The following HS6ST3 variants were observed in gnomAD, a reference collection of about 807,000 sequenced individuals.
HS6ST3 encodes the protein heparan-sulfate 6-O-sulfotransferase 3.
In HS6ST3, 12 loss-of-function variants were observed where a neutral mutation model predicts 36.7. The ratio of observed to expected loss-of-function variants is 0.33; its 90% confidence interval spans 0.21 to 0.53. The LOEUF (loss-of-function observed/expected upper bound fraction) is 0.53. Among genes scored for constraint, HS6ST3 ranks in the 20% least tolerant of loss-of-function variants. The pLI is 0.95. For synonymous variants in HS6ST3, 240 were observed against 257.5 expected (o/e 0.93, Z 0.65); for missense variants, 584 against 640.9 (o/e 0.91, Z 0.96).
intron 1 of HS6ST3, among the ~76,000 whole-genome samples, chr13:96,600,341 C>CACAG (rs1411227895): frequency 4.6e-5 from 7 of 151,498 alleles, no homozygotes; most frequent in Admixed American, 4.6e-4. Flanking sequence ...CACACACACA[C>CACAG]ACACACACAC....
intron 1 of HS6ST3, among the ~76,000 whole-genome samples, chr13:96,219,648 C>T (rs1212255556): frequency 6.6e-6 from 1 of 152,068 alleles, no homozygotes. Context: ...GATGGAGCAA[C>T]ATAGGCCTGA....
At chr13:96,396,282 C>T (rs912695) in intron 1 of HS6ST3, among the ~76,000 whole-genome samples, 115,906 of 151,984 alleles carry the variant, frequency 0.76, 45,381 homozygotes, top group South Asian at 0.9. Context: ...CCACTACACT[C>T]TAGCCTGGGT....
At chr13:96,130,459 T>C (rs2053970311) in intron 1 of HS6ST3, among the ~76,000 whole-genome samples, 1 of 152,186 alleles carries the variant, frequency 6.6e-6, no homozygotes, top group East Asian at 1.9e-4. Context: ...TGAGTAATAT[T>C]GTCCTATAGG....
chr13:96,266,054 T>A (rs942215911), intron 1 of HS6ST3, among the ~76,000 whole-genome samples: 1 of 151,702 alleles, frequency 6.6e-6, no homozygotes, highest in Non-Finnish European at 1.5e-5. Flanking sequence ...TATTTTTTTT[T>A]AAATACCCTG....
chr13:96,160,136 G>A (rs1432498373), intron 1 of HS6ST3, among the ~76,000 whole-genome samples: 2 of 152,156 alleles, frequency 1.3e-5, no homozygotes, highest in African/African-American at 4.8e-5. Flanking sequence ...AATCCATATA[G>A]CTATGTGAGG....
chr13:96,259,757 T>C (rs1348929449), intron 1 of HS6ST3, among the ~76,000 whole-genome samples: 1 of 152,196 alleles, frequency 6.6e-6, no homozygotes, highest in Non-Finnish European at 1.5e-5. Context: ...TACCTTCTCC[T>C]TTTTCTACCT....
chr13:96,452,812 A>G (rs1030434148), intron 1 of HS6ST3, among the ~76,000 whole-genome samples: 2 of 151,956 alleles, frequency 1.3e-5, no homozygotes, highest in South Asian at 4.2e-4. Flanking sequence ...TGTGTTTTTT[A>G]TTTCCCCCCC....
intron 1 of HS6ST3, among the ~76,000 whole-genome samples, chr13:96,396,485 G>A (rs2055422164): frequency 6.6e-6 from 1 of 152,034 alleles, no homozygotes; most frequent in South Asian, 2.1e-4. Flanking sequence ...TCAAGGCCTT[G>A]GCATATAGAT....
At position 96,838,246 on chromosome 13, in the gene HS6ST3, A is replaced by G. The variant is rs1350728442; in HGVS notation, c.*5048A>G. On this transcript the variant is annotated 3_prime_UTR_variant, in exon 2 of 2. Coordinates refer to ENST00000376705, the MANE Select transcript of HS6ST3 (RefSeq NM_153456.4). ...GACTAAGATACAGTCTCTGTCCTCT[A>G]GAACTAGGGCAGCCTGGAAACATAT... 6.6e-6 allele frequency: 1 copy of G among 152,114 alleles called. No homozygotes were observed. Among genetic ancestry groups the G allele is most frequent in the Non-Finnish European group, 1.5e-5 (1 of 68,012 alleles). 9.4% of individuals were successfully genotyped at this position (152,114 alleles called of 1,614,324 possible).
chr13:96,309,841 A>G (rs188673799), intron 1 of HS6ST3, among the ~76,000 whole-genome samples: 173 of 152,298 alleles, frequency 1.1e-3, no homozygotes, highest in African/African-American at 3.9e-3. Context: ...CTTATTTTTA[A>G]CTATAATAGG....
intron 1 of HS6ST3, among the ~76,000 whole-genome samples, chr13:96,674,916 C>T (rs976418696): frequency 6.6e-6 from 1 of 152,148 alleles, no homozygotes; most frequent in Non-Finnish European, 1.5e-5. Context: ...CTTTTCATCC[C>T]TTTACAGTTC....
At chr13:96,765,188 C>T (rs1877073762) in intron 1 of HS6ST3, among the ~76,000 whole-genome samples, 1 of 151,812 alleles carries the variant, frequency 6.6e-6, no homozygotes, top group Non-Finnish European at 1.5e-5. Flanking sequence ...ATTCTCCTGC[C>T]TCAGCCTCCG....
chr13:96,331,637 T>C (rs921718940), intron 1 of HS6ST3, among the ~76,000 whole-genome samples: 2 of 152,198 alleles, frequency 1.3e-5, no homozygotes, highest in African/African-American at 4.8e-5. Context: ...TCTTTTTGTT[T>C]TTCTGTGCCC....
At chr13:96,619,978 C>A (rs950245037) in intron 1 of HS6ST3, among the ~76,000 whole-genome samples, 6 of 152,158 alleles carry the variant, frequency 3.9e-5, no homozygotes, top group African/African-American at 1.4e-4. Flanking sequence ...ATTGGCAGAT[C>A]CCTTCCCCGT....
At chr13:96,467,407 A>G (rs2055819400) in intron 1 of HS6ST3, among the ~76,000 whole-genome samples, 1 of 152,132 alleles carries the variant, frequency 6.6e-6, no homozygotes, top group Non-Finnish European at 1.5e-5. Flanking sequence ...ATGCTGCCAA[A>G]TGGGATATTT....
chr13:96,775,534 G>C (rs1173542475), intron 1 of HS6ST3, among the ~76,000 whole-genome samples: 2 of 151,412 alleles, frequency 1.3e-5, no homozygotes, highest in African/African-American at 2.4e-5. Context: ...AAAAAGCAGG[G>C]GTTGCAATCC....
chr13:96,235,760 G>A (rs552326573), intron 1 of HS6ST3, among the ~76,000 whole-genome samples: 1 of 152,192 alleles, frequency 6.6e-6, no homozygotes, highest in African/African-American at 2.4e-5. Flanking sequence ...ATTAGCTCCT[G>A]ATGCCAAAGT....
intron 1 of HS6ST3, among the ~76,000 whole-genome samples, chr13:96,239,243 C>T (rs887090983): frequency 2.0e-5 from 3 of 152,208 alleles, no homozygotes; most frequent in Middle Eastern, 3.4e-3. Flanking sequence ...ATACGCCCAG[C>T]GAATGTGTAC....
rs144225693 is a variant in HS6ST3, at chr13:96,575,139, C to A, written c.708-257351C>A. 2.2e-3 allele frequency among the ~76,000 whole-genome samples: 329 copies of A among 152,254 alleles called. 3 individuals carry two copies. Among genetic ancestry groups the A allele is most frequent in the African/African-American group, 7.6e-3 (316 of 41,560 alleles). ...TGGAGTTGCAGATCTCATTGCTTGGCAAGCCATGGATATTTTCATTTTCAT... is the reference window on the plus strand; with the variant it reads ...TGGAGTTGCAGATCTCATTGCTTGGAAAGCCATGGATATTTTCATTTTCAT... On this transcript the variant is annotated intron_variant, in intron 1 of 1. Transcript: ENST00000376705.
Sources: gnomAD v4.1 joint callset for allele counts (sites outside exome capture counted in the v4.1 genomes callset) on GRCh38, gnomAD v4.1.1 for gene constraint, MANE v1.5 for transcripts, NCBI Gene and HGNC (gene_info 2026-07-23, HGNC 2026-07-21) for gene names.